Variants in NAV3 observed in about 807,000 individuals in gnomAD.
NAV3 encodes pore membrane and/or filament interacting like protein 1.
A neutral mutation model predicts 244.7 loss-of-function variants in NAV3; 87 were observed. The observed-to-expected ratio is 0.36, with a 90% confidence interval of 0.30 to 0.42. NAV3 has a LOEUF of 0.42. Among genes scored for constraint, NAV3 ranks in the 20% least tolerant of loss-of-function variants. The probability of loss-of-function intolerance (pLI) is 1.00; values close to 1 mark genes in which losing one functional copy is unlikely to be tolerated. For synonymous variants in NAV3, 1,126 were observed against 1,042.2 expected (o/e 1.08, Z -1.55); for missense variants, 2,663 against 2,893.3 (o/e 0.92, Z 1.83).
chr12:78,181,158 C>CAGA (rs1434024484), intron 30 of NAV3, 113 bp downstream of exon 30: 1 of 902,860 alleles, frequency 1.1e-6, no homozygotes, highest in East Asian at 2.5e-5. Flanking sequence ...CTCTAATTCT[C>CAGA]AGAAATAGTC....
intron 1 of NAV3, among the ~76,000 whole-genome samples, chr12:77,920,427 A>T (rs963748080): frequency 6.6e-6 from 1 of 151,998 alleles, no homozygotes; most frequent in Non-Finnish European, 1.5e-5. Flanking sequence ...AGTCAGATTT[A>T]AAAAACACAC....
chr12:77,932,063 A>G (rs1282492364), intron 1 of NAV3, among the ~76,000 whole-genome samples: 1 of 152,044 alleles, frequency 6.6e-6, no homozygotes. Context: ...GTTGTCAAAG[A>G]CAGATTTTTT....
intron 3 of NAV3, among the ~76,000 whole-genome samples, chr12:77,960,633 T>C (rs1891817489): frequency 6.7e-6 from 1 of 148,238 alleles, no homozygotes. Context: ...ATATATACTT[T>C]AACAATGTTT....
At chr12:77,745,134 CT>C (rs973534207) in intron 2 of NAV3, among the ~76,000 whole-genome samples, 4 of 151,904 alleles carry the variant, frequency 2.6e-5, no homozygotes, top group African/African-American at 9.7e-5. Flanking sequence ...GAAGTGTTGT[CT>C]TTTGGTTTAA....
intron 2 of NAV3, among the ~76,000 whole-genome samples, chr12:77,731,221 C>T (rs918475598): frequency 1.3e-5 from 2 of 151,894 alleles, no homozygotes; most frequent in South Asian, 2.1e-4. Context: ...CAGTCCCATA[C>T]AGCAGCCAGT....
At chr12:77,616,606 C>CTAAG (rs1871152852) in intron 2 of NAV3, among the ~76,000 whole-genome samples, 4 of 152,112 alleles carry the variant, frequency 2.6e-5, no homozygotes, top group African/African-American at 7.2e-5. Context: ...TGTTAAGTTA[C>CTAAG]TTGCCTAAGT....
In NAV3 at chr12:78,119,248, G is replaced by C. The variant is rs2138598585; in HGVS notation, c.3052G>C (p.Asp1018His). 1 of 1,609,082 alleles carries C rather than the reference G, an allele frequency of 6.2e-7. No individual in the cohort carries two copies. The highest frequency in any genetic ancestry group is 8.5e-7 in the Non-Finnish European group (1 of 1,178,210). ...SALKTPGKTD[D>H]AKASEKGKAP... ...TTCTCCTTAATTAGGGAAAACCGAT[G>C]ATGCCAAAGCTTCTGAGAAAGGAAA... The change falls in exon 15 of 40, where the codon GAT becomes CAT. Residue 1018 changes from aspartate to histidine, a missense_variant. By Grantham distance (81) the Asp-to-His change is moderately conservative (BLOSUM62 -1). Transcript: ENST00000397909.
intron 5 of NAV3, among the ~76,000 whole-genome samples, chr12:77,994,308 AT>A (rs1871967436): frequency 6.6e-6 from 1 of 152,244 alleles, no homozygotes; most frequent in African/African-American, 2.4e-5. Flanking sequence ...AAACCAGATT[AT>A]TTAATCATTT....
intron 34 of NAV3, among the ~76,000 whole-genome samples, chr12:78,195,684 A>G (rs554829556): frequency 2.6e-5 from 4 of 151,984 alleles, no homozygotes; most frequent in Admixed American, 1.3e-4. Flanking sequence ...TTGTAAATTC[A>G]TCATTATTTA....
intron 1 of NAV3, among the ~76,000 whole-genome samples, chr12:77,936,183 A>G (rs916245736): frequency 2.6e-5 from 4 of 152,338 alleles, no homozygotes; most frequent in Admixed American, 2.0e-4. Flanking sequence ...CTATTGCATA[A>G]TAGGCCCCAA....
At chr12:77,988,765 A>C (rs1870969905) in intron 5 of NAV3, among the ~76,000 whole-genome samples, 1 of 151,992 alleles carries the variant, frequency 6.6e-6, no homozygotes, top group African/African-American at 2.4e-5. Context: ...ATTTTCCCCC[A>C]TTGCCTGAGA....
Position 77,873,748 on chromosome 12 carries a change from A to ATATATATATATATATC in NAV3, c.243+42059_243+42060insCTATATATATATATAT, listed in dbSNP as rs1881401071. On this transcript the variant is annotated intron_variant, in intron 1 of 39. Transcript: ENST00000397909. ...TCTAAATACATATGTGTGTGTGTAT[A>ATATATATATATATATC]TATATATATATATATATATGTATAT... Among the ~76,000 whole-genome samples the ATATATATATATATATC allele has an allele frequency of 2.4e-5, 2 of 81,972 alleles. 1 individual carries two copies. Among genetic ancestry groups the ATATATATATATATATC allele is most frequent in the Non-Finnish European group, 5.4e-5 (2 of 36,780 alleles). 53.8% of individuals were successfully genotyped at this position (81,972 alleles called of 152,430 possible).
rs1254013635 is a variant in NAV3 at position 77,885,785 on chromosome 12, C to T, written c.243+54081C>T. ...TAACCCATTTGAAATTTGAATTATT[C>T]GCTGTCTTGCTGCTTAAGATGAGTT... On this transcript the variant is annotated intron_variant, in intron 1 of 39. Transcript: ENST00000397909. 5.9e-5 allele frequency among the ~76,000 whole-genome samples: 9 copies of T among 152,046 alleles called. No individual in the cohort carries two copies. In the East Asian group the frequency reaches 7.7e-4, roughly 13 times the overall value.
rs368659738 is a variant in NAV3, at chr12:78,095,045, T to TTATATA, written c.2637-21712_2637-21707dup. Among the ~76,000 whole-genome samples the TTATATA allele has an allele frequency of 6.1e-3, 750 of 123,850 alleles. 12 individuals are homozygous for TTATATA. Among genetic ancestry groups the TTATATA allele is most frequent in the African/African-American group, 0.018 (626 of 35,266 alleles). The allele number at this position is 123,850 out of a possible 152,430, so 81.3% of individuals were successfully genotyped here. ...CCGGTGACAGAGACTCCATATCAAA[T>TTATATA]TATATATATATATATATATACACAC... On this transcript the variant is annotated intron_variant, in intron 12 of 39. Transcript: ENST00000397909.
intron 1 of NAV3, among the ~76,000 whole-genome samples, chr12:77,837,588 C>T (rs1052903071): frequency 3.3e-5 from 5 of 151,984 alleles, no homozygotes; most frequent in African/African-American, 9.7e-5. Flanking sequence ...TATCTCAATG[C>T]GAGAATGTGG....
chr12:77,769,053 A>G (rs1869936843), intron 2 of NAV3, among the ~76,000 whole-genome samples: 1 of 152,246 alleles, frequency 6.6e-6, no homozygotes, highest in Admixed American at 6.5e-5. Context: ...TAAAAAATCA[A>G]GGAGGCAGGT....
chr12:77,715,266 A>G (rs1876307974), intron 2 of NAV3, among the ~76,000 whole-genome samples: 2 of 152,070 alleles, frequency 1.3e-5, no homozygotes, highest in South Asian at 4.1e-4. Flanking sequence ...ACCTTTAGTT[A>G]GTTAATATAT....
chr12:77,911,133 A>G (rs1222837379), intron 1 of NAV3, among the ~76,000 whole-genome samples: 2 of 152,054 alleles, frequency 1.3e-5, no homozygotes, highest in East Asian at 1.9e-4. Flanking sequence ...TGCCATTTCA[A>G]CCCAACATTA....
At chr12:78,195,622 A>G (rs1363108434) in intron 34 of NAV3, among the ~76,000 whole-genome samples, 2 of 151,926 alleles carry the variant, frequency 1.3e-5, no homozygotes, top group Non-Finnish European at 2.9e-5. Context: ...TTTCCCTCCT[A>G]TAGGCCACAT....
Sources: gnomAD v4.1 joint callset for allele counts (sites outside exome capture counted in the v4.1 genomes callset) on GRCh38, gnomAD v4.1.1 for gene constraint, MANE v1.5 for transcripts, NCBI Gene and HGNC (gene_info 2026-07-23, HGNC 2026-07-21) for gene names.